The following PCGF5 variants were observed in gnomAD, a reference collection of about 807,000 sequenced individuals.
PCGF5 encodes the protein polycomb group RING finger protein 5.
A neutral mutation model predicts 44.3 loss-of-function variants in PCGF5; 9 were observed. That is an observed-to-expected ratio of 0.20 (90% CI 0.12 to 0.35). The LOEUF (loss-of-function observed/expected upper bound fraction) is 0.35, where lower values mean the gene tolerates loss of function less well. Ranked by LOEUF, PCGF5 falls within the 10% of genes least tolerant of loss-of-function variation. PCGF5 has a pLI of 1.00. For synonymous variants in PCGF5, 95 were observed against 102.5 expected, an observed-to-expected ratio of 0.93 and a Z score of 0.44; for missense variants, 146 against 305.3, an observed-to-expected ratio of 0.48 and a Z score of 3.89.
At chr10:91,217,279 G>A (rs755588346), upstream of PCGF5, among the ~76,000 whole-genome samples, 10 of 152,148 alleles carry the variant, frequency 6.6e-5, no homozygotes, top group South Asian at 2.1e-4. Context: ...GTGACCACCC[G>A]CCTCGGCCTC....
intron 3 of PCGF5, among the ~76,000 whole-genome samples, chr10:91,243,774 T>C (rs1417189447): frequency 6.6e-6 from 1 of 152,238 alleles, no homozygotes; most frequent in Non-Finnish European, 1.5e-5. Flanking sequence ...AAATGTATTA[T>C]TAAAGATATT....
chr10:91,207,024 G>C (rs1293362984), intron 1 of PCGF5, among the ~76,000 whole-genome samples: 1 of 152,096 alleles, frequency 6.6e-6, no homozygotes, highest in South Asian at 2.1e-4. Context: ...GTGAGAACAG[G>C]GGCTTTGTCT....
At chr10:91,239,604 G>A (rs1845268738) in intron 2 of PCGF5, among the ~76,000 whole-genome samples, 1 of 152,170 alleles carries the variant, frequency 6.6e-6, no homozygotes, top group African/African-American at 2.4e-5. Context: ...TAATAGAATG[G>A]AGGAGGAGTA....
rs1160022198 is a variant in PCGF5 at position 91,278,341 on chromosome 10, G to C, written c.*25G>C. 1 of 1,594,274 alleles carries C rather than the reference G, an allele frequency of 6.3e-7. No individual in the cohort carries two copies. Among genetic ancestry groups the C allele is most frequent in the East Asian group, 2.2e-5 (1 of 44,788 alleles). On this transcript the variant is annotated 3_prime_UTR_variant, in exon 10 of 10. Coordinates refer to ENST00000336126, the MANE Select transcript of PCGF5 (RefSeq NM_032373.5). Reference sequence around the variant, plus strand: ...GACCAAGGGGCCCAGACCTCACTGAGATGAATCCTGCACTATTTGTTTACT... The same window carrying C: ...GACCAAGGGGCCCAGACCTCACTGACATGAATCCTGCACTATTTGTTTACT...
chr10:91,238,605 T>TC (rs1357771811), intron 2 of PCGF5, among the ~76,000 whole-genome samples: 15 of 78,088 alleles, frequency 1.9e-4, no homozygotes, highest in African/African-American at 9.1e-4. Context: ...TTCTTTCTTT[T>TC]TTTTTTTTTT....
At chr10:91,164,670 C>T (rs1229214516) in intron 1 of PCGF5, among the ~76,000 whole-genome samples, 1 of 152,220 alleles carries the variant, frequency 6.6e-6, no homozygotes, top group Non-Finnish European at 1.5e-5. Flanking sequence ...CCAATGTGAT[C>T]ACTCTCAAAG....
intron 9 of PCGF5, 117 bp downstream of exon 9, chr10:91,271,814 A>G: frequency 2.5e-6 from 2 of 786,524 alleles, no homozygotes; most frequent in Admixed American, 2.2e-5. Flanking sequence ...TGGAGCTACA[A>G]AAACTTATCT....
chr10:91,260,617 A>G (rs1589404217), intron 6 of PCGF5, among the ~76,000 whole-genome samples: 1 of 152,150 alleles, frequency 6.6e-6, no homozygotes, highest in Non-Finnish European at 1.5e-5. Flanking sequence ...ACACCATGGA[A>G]TACTATGCAG....
At chr10:91,177,798 G>T (rs147379640) in intron 1 of PCGF5, among the ~76,000 whole-genome samples, 1 of 152,192 alleles carries the variant, frequency 6.6e-6, no homozygotes, top group Non-Finnish European at 1.5e-5. Flanking sequence ...TCCAGGTGCC[G>T]TCTGTCACCC....
At chr10:91,230,901 G>C (rs1056388036) in intron 2 of PCGF5, among the ~76,000 whole-genome samples, 1 of 152,050 alleles carries the variant, frequency 6.6e-6, no homozygotes, top group Non-Finnish European at 1.5e-5. Context: ...GGGATTATAG[G>C]TGTCAGCCAC....
chr10:91,179,209 T>G (rs1843773210), intron 1 of PCGF5, among the ~76,000 whole-genome samples: 2 of 152,130 alleles, frequency 1.3e-5, no homozygotes, highest in Admixed American at 1.3e-4. Flanking sequence ...AGATCTGAAC[T>G]AGTGTGGTCT....
rs1846507417 is a variant in PCGF5 at position 91,283,744 on chromosome 10, C to T, written c.*5428C>T. 1 of 152,258 alleles carries T rather than the reference C, an allele frequency of 6.6e-6. No individual in the cohort carries two copies. The highest frequency in any genetic ancestry group is 2.4e-5 in the African/African-American group (1 of 41,444). The allele number at this position is 152,258 out of a possible 1,614,324, so 9.4% of individuals were successfully genotyped here. On this transcript the variant is annotated 3_prime_UTR_variant, in exon 10 of 10. Transcript: ENST00000336126. Reference sequence around the variant, plus strand: ...CTGCTGCTTTCCTGCATCTGAGCAACACAACAGAGATCATCAGTTTTAAAT... The same window carrying T: ...CTGCTGCTTTCCTGCATCTGAGCAATACAACAGAGATCATCAGTTTTAAAT...
chr10:91,197,236 C>G (rs1179488309), intron 1 of PCGF5, among the ~76,000 whole-genome samples: 1 of 152,100 alleles, frequency 6.6e-6, no homozygotes, highest in Non-Finnish European at 1.5e-5. Flanking sequence ...AGGGGAGGCT[C>G]GAAGTATGGG....
rs562997603 is a variant in PCGF5, at chr10:91,176,210, C to G, written c.-184+13129C>G. Among the ~76,000 whole-genome samples the G allele has an allele frequency of 3.3e-5, 5 of 152,278 alleles. No individual in the cohort carries two copies. The South Asian group carries it at 1.0e-3, about 32-fold the overall frequency. The stretch of plus-strand genomic sequence containing the variant: ...GATATGAAATTCTGGGTTGAAAATT[C>G]TTTTCTTTAAGAATGTTGAATATTG... On this transcript the variant is annotated intron_variant, in intron 1 of 9. Transcript: ENST00000614189.
intron 2 of PCGF5, chr10:91,227,449 G>A (rs771179601): frequency 7.8e-7 from 1 of 1,289,046 alleles, no homozygotes; most frequent in African/African-American, 1.5e-5. Context: ...CAAGAAATAT[G>A]CTCCATGCTT....
intron 5 of PCGF5, among the ~76,000 whole-genome samples, chr10:91,249,552 A>C (rs961640390): frequency 3.2e-4 from 48 of 151,662 alleles, no homozygotes; most frequent in African/African-American, 1.1e-3. Context: ...GTGTGTTCTT[A>C]TAGGGTCACT....
intron 8 of PCGF5, among the ~76,000 whole-genome samples, chr10:91,266,138 T>TGATATTAC (rs1846044701): frequency 6.6e-6 from 1 of 152,214 alleles, no homozygotes; most frequent in African/African-American, 2.4e-5. Flanking sequence ...ATGGATATTA[T>TGATATTAC]GATATTACAC....
rs1184325723 is a variant in PCGF5, at chr10:91,274,126, T to TAC, written c.723+2430_723+2431insCA. On this transcript the variant is annotated intron_variant, in intron 9 of 9. Transcript: ENST00000336126. Reference sequence around the variant, plus strand: ...TAATCAATCTGTGTATGTATATATATATGTAATAGTACATTACATTTTATA... The same window carrying TAC: ...TAATCAATCTGTGTATGTATATATATACATGTAATAGTACATTACATTTTATA... Among the ~76,000 whole-genome samples the TAC allele has an allele frequency of 1.6e-3, 239 of 152,106 alleles. 1 individual carries two copies. Among genetic ancestry groups the TAC allele is most frequent in the African/African-American group, 5.6e-3 (234 of 41,502 alleles).
chr10:91,278,430 CA>C lies in PCGF5; in HGVS notation c.*117del. The C allele has an allele frequency of 1.1e-6, 1 of 891,374 alleles. No individual in the cohort carries two copies. Among genetic ancestry groups the C allele is most frequent in the East Asian group, 2.5e-5 (1 of 40,014 alleles). 55.2% of individuals were successfully genotyped at this position (891,374 alleles called of 1,614,324 possible). The stretch of plus-strand genomic sequence containing the variant: ...GGAACACAACCAGATTTTCAGCATG[CA>C]AATAAGGCCATTGTCTATCTCTAAA... On this transcript the variant is annotated 3_prime_UTR_variant, in exon 10 of 10. Transcript: ENST00000336126.
Sources: allele counts gnomAD v4.1 joint callset (sites outside exome capture counted in the v4.1 genomes callset), GRCh38; gene constraint gnomAD v4.1.1; transcripts MANE v1.5; gene names NCBI Gene and HGNC (gene_info 2026-07-23, HGNC 2026-07-21).